Variants in RSU1 observed in about 807,000 individuals in gnomAD.
RSU1 encodes Ras suppressor protein 1.
RSU1 carries 26 observed loss-of-function variants against 31.1 expected under a neutral mutation model. The observed-to-expected ratio is 0.84, with a 90% CI of 0.61 to 1.16. The LOEUF (loss-of-function observed/expected upper bound fraction) is 1.16, where lower values mean the gene tolerates loss of function less well. Among genes scored for constraint, RSU1 ranks in the 50% most tolerant of loss-of-function variants. RSU1 has a pLI of 0.00. For synonymous variants in RSU1, 164 were observed against 136.3 expected, an observed-to-expected ratio of 1.20 and a Z score of -1.41; for missense variants, 320 against 339.1, an observed-to-expected ratio of 0.94 and a Z score of 0.44.
At chr10:16,751,365 G>A (rs35670312) in intron 7 of RSU1, among the ~76,000 whole-genome samples, 2 of 152,176 alleles carry the variant, frequency 1.3e-5, no homozygotes, top group Non-Finnish European at 2.9e-5. Context: ...AGAGAGCTAA[G>A]GGAAATGGCA....
At chr10:16,701,792 C>T (rs2131571378) in intron 7 of RSU1, among the ~76,000 whole-genome samples, 1 of 147,518 alleles carries the variant, frequency 6.8e-6, no homozygotes, top group Middle Eastern at 3.6e-3. Context: ...TCTTCTTGGC[C>T]ATTTGATATC....
chr10:16,733,084 C>CT (rs1261999181), intron 7 of RSU1, among the ~76,000 whole-genome samples: 2 of 152,054 alleles, frequency 1.3e-5, no homozygotes, highest in Non-Finnish European at 2.9e-5. Context: ...CATAAATGGA[C>CT]TATTAGTATC....
At chr10:16,766,332 G>C (rs1387254681) in intron 3 of RSU1, among the ~76,000 whole-genome samples, 1 of 152,250 alleles carries the variant, frequency 6.6e-6, no homozygotes, top group African/African-American at 2.4e-5. Context: ...GTACAGTGTG[G>C]CTGCAAATGT....
intron 7 of RSU1, among the ~76,000 whole-genome samples, chr10:16,708,835 G>A (rs944011635): frequency 6.6e-5 from 10 of 150,398 alleles, no homozygotes; most frequent in Admixed American, 2.7e-4. Context: ...TTAAGCTATC[G>A]TAAATGGAGC....
At chr10:16,731,425 G>A (rs1476442591) in intron 7 of RSU1, among the ~76,000 whole-genome samples, 3 of 130,856 alleles carry the variant, frequency 2.3e-5, no homozygotes, top group African/African-American at 3.6e-5. Flanking sequence ...GCGACACTCC[G>A]TCTCAAAAAA....
intron 8 of RSU1, among the ~76,000 whole-genome samples, chr10:16,666,727 C>T (rs1386985608): frequency 6.6e-6 from 1 of 152,160 alleles, no homozygotes; most frequent in Non-Finnish European, 1.5e-5. Context: ...GTGGCACACA[C>T]CTGTAATCTC....
intron 8 of RSU1, among the ~76,000 whole-genome samples, chr10:16,655,746 T>C (rs972134579): frequency 1.3e-5 from 2 of 152,244 alleles, no homozygotes; most frequent in African/African-American, 4.8e-5. Context: ...GTGTTTACTT[T>C]GTATTTCCAC....
chr10:16,718,519 G>A (rs1002371996), intron 7 of RSU1, among the ~76,000 whole-genome samples: 4 of 152,074 alleles, frequency 2.6e-5, no homozygotes, highest in South Asian at 2.1e-4. Context: ...GTGAACAAAT[G>A]GTGTCCTCTA....
At chr10:16,641,326 A>G (rs911255378) in intron 8 of RSU1, among the ~76,000 whole-genome samples, 4 of 152,044 alleles carry the variant, frequency 2.6e-5, no homozygotes, top group African/African-American at 9.7e-5. Flanking sequence ...ACCCATCTCT[A>G]CTAAAAATAC....
At chr10:16,682,608 CCT>C (rs1485945908) in intron 8 of RSU1, among the ~76,000 whole-genome samples, 5 of 146,050 alleles carry the variant, frequency 3.4e-5, no homozygotes, top group African/African-American at 5.1e-5. Flanking sequence ...ATGCGTTCCT[CCT>C]CTTACTTTCG....
chr10:16,659,301 C>CTTTTTTTTTTT (rs869035739), intron 8 of RSU1, among the ~76,000 whole-genome samples: 50 of 100,690 alleles, frequency 5.0e-4, no homozygotes, highest in East Asian at 9.6e-4. Context: ...AGGTTATATT[C>CTTTTTTTTTTT]TTTTTTTTTT....
intron 8 of RSU1, among the ~76,000 whole-genome samples, chr10:16,693,858 C>T (rs1835617679): frequency 6.6e-6 from 1 of 151,878 alleles, no homozygotes; most frequent in South Asian, 2.1e-4. Context: ...GAGACCCTGT[C>T]TCTTAAAAAA....
At chr10:16,696,667 G>A (rs1280588362) in intron 7 of RSU1, among the ~76,000 whole-genome samples, 3 of 152,090 alleles carry the variant, frequency 2.0e-5, no homozygotes, top group East Asian at 1.9e-4. Flanking sequence ...CATCTTAATG[G>A]TTAAACATCG....
chr10:16,808,916 G>C (rs1278200948), intron 2 of RSU1, among the ~76,000 whole-genome samples: 1 of 152,152 alleles, frequency 6.6e-6, no homozygotes, highest in Non-Finnish European at 1.5e-5. Context: ...AAGATCATGT[G>C]AGCACAGCAA....
chr10:16,623,434 G>A (rs914344133), intron 8 of RSU1, among the ~76,000 whole-genome samples: 2 of 152,264 alleles, frequency 1.3e-5, no homozygotes, highest in East Asian at 1.9e-4. Flanking sequence ...ATCCAGCACC[G>A]ATGGGCACCC....
chr10:16,707,513 T>C (rs762909212), intron 7 of RSU1, among the ~76,000 whole-genome samples: 51 of 152,150 alleles, frequency 3.4e-4, no homozygotes, highest in Non-Finnish European at 5.9e-4. Context: ...GTTGGCCATC[T>C]GTATGTCTGC....
intron 2 of RSU1, among the ~76,000 whole-genome samples, chr10:16,790,713 A>G (rs891101093): frequency 2.0e-5 from 3 of 152,144 alleles, no homozygotes; most frequent in Admixed American, 2.0e-4. Flanking sequence ...AAGTGACTGG[A>G]TCATGGGGGT....
At chr10:16,782,912 T>A (rs11254182) in intron 2 of RSU1, among the ~76,000 whole-genome samples, 33,297 of 112,060 alleles carry the variant, frequency 0.3, 6,327 homozygotes, top group African/African-American at 0.61. Flanking sequence ...AAATTTTTCC[T>A]ATTTTTTTTT....
intron 7 of RSU1, among the ~76,000 whole-genome samples, chr10:16,735,167 T>C (rs940328067): frequency 2.6e-5 from 4 of 152,240 alleles, no homozygotes; most frequent in African/African-American, 4.8e-5. Context: ...GTCTCGGCTA[T>C]AATAGTGCAT....
Sources: allele counts gnomAD v4.1 joint callset (sites outside exome capture counted in the v4.1 genomes callset), GRCh38; gene constraint gnomAD v4.1.1; transcripts MANE v1.5; gene names NCBI Gene and HGNC (gene_info 2026-07-23, HGNC 2026-07-21).